Variants in TAOK3 observed in about 807,000 individuals in gnomAD.
TAOK3 encodes TAO kinase 3, also known as serine/threonine-protein kinase TAO3.
A neutral mutation model predicts 120.4 loss-of-function variants in TAOK3; 40 were observed. That is an observed-to-expected ratio of 0.33 (90% confidence interval 0.26 to 0.43). TAOK3 has a LOEUF of 0.43. Among genes scored for constraint, TAOK3 ranks in the 20% least tolerant of loss-of-function variants. The probability of loss-of-function intolerance (pLI) is 1.00; values close to 1 mark genes in which losing one functional copy is unlikely to be tolerated. For synonymous variants in TAOK3, 355 were observed against 387.5 expected (o/e 0.92, Z 0.99); for missense variants, 821 against 1,112.1 (o/e 0.74, Z 3.72).
intron 1 of TAOK3, among the ~76,000 whole-genome samples, chr12:118,350,187 T>C (rs758743996): frequency 1.3e-5 from 2 of 152,192 alleles, no homozygotes; most frequent in Admixed American, 6.5e-5. Context: ...ATGAATGACA[T>C]CTTGGGGCCA....
At chr12:118,174,953 T>G (rs1001404296) in intron 16 of TAOK3, among the ~76,000 whole-genome samples, 3 of 152,144 alleles carry the variant, frequency 2.0e-5, no homozygotes, top group African/African-American at 7.2e-5. Flanking sequence ...TGAGCCACCG[T>G]GCCCAGCCAA....
Position 118,239,255 on chromosome 12 carries a change from G to C in TAOK3, c.312C>G (p.Cys104Trp). 6.5e-7 allele frequency: 1 copy of C among 1,544,474 alleles called. No homozygotes were observed. The change falls in exon 6 of 21, where the codon TGC (cysteine) becomes TGG (tryptophan). Residue 104 changes from cysteine to tryptophan, a missense_variant. Physicochemically the swap from Cys to Trp is radical, Grantham distance 215 (BLOSUM62 -2). Around this residue, in one of 2 missense-constraint regions of TAOK3, gnomAD observed 467 missense variants for 540.0 expected, o/e 0.86. Coordinates refer to ENST00000392533, the MANE Select transcript of TAOK3 (RefSeq NM_016281.4). ...EHTAWLVMEY[C>W]LGSASDLLEV... The stretch of plus-strand genomic sequence containing the variant: ...CTAATAAATCAGAGGCTGAGCCTAA[G>C]CAATATTCCATCACCAACTATAAGA...
chr12:118,291,275 G>C (rs907214318), intron 1 of TAOK3, among the ~76,000 whole-genome samples: 1 of 151,462 alleles, frequency 6.6e-6, no homozygotes, highest in Non-Finnish European at 1.5e-5. Flanking sequence ...CCCTGCCTCA[G>C]CCTTCCGAGT....
At chr12:118,311,422 T>C (rs980637268) in intron 1 of TAOK3, among the ~76,000 whole-genome samples, 2 of 151,956 alleles carry the variant, frequency 1.3e-5, no homozygotes, top group African/African-American at 4.8e-5. Flanking sequence ...GGTTGTGCCA[T>C]TGCACTCCAG....
intron 2 of TAOK3, among the ~76,000 whole-genome samples, chr12:118,262,069 C>T (rs998452719): frequency 6.6e-6 from 1 of 152,142 alleles, no homozygotes; most frequent in African/African-American, 2.4e-5. Context: ...TCACATTGGC[C>T]AGGCTGGTCT....
chr12:118,346,534 A>G (rs2044868356), intron 1 of TAOK3, among the ~76,000 whole-genome samples: 1 of 152,200 alleles, frequency 6.6e-6, no homozygotes, highest in African/African-American at 2.4e-5. Flanking sequence ...AAAATTTCAA[A>G]CTGAAGGTTA....
At chr12:118,360,881 C>T (rs2045575613) in intron 1 of TAOK3, among the ~76,000 whole-genome samples, 1 of 152,116 alleles carries the variant, frequency 6.6e-6, no homozygotes, top group Admixed American at 6.5e-5. Context: ...AACTGTCACA[C>T]AAAAGTAGTG....
At chr12:118,179,409 T>C (rs2036551880) in intron 15 of TAOK3, among the ~76,000 whole-genome samples, 1 of 152,152 alleles carries the variant, frequency 6.6e-6, no homozygotes, top group African/African-American at 2.4e-5. Context: ...CCTGCAGACA[T>C]AAATCACCTC....
In TAOK3 at chr12:118,181,461, C is replaced by A; in HGVS notation, c.1476G>T (p.Lys492Asn). 6.2e-7 allele frequency: 1 copy of A among 1,614,204 alleles called. No individual in the cohort carries two copies. Among genetic ancestry groups the A allele is most frequent in the Non-Finnish European group, 8.5e-7 (1 of 1,180,034 alleles). The change falls in exon 15 of 21, where the codon AAG becomes AAT. Residue 492 changes from lysine (K) to asparagine (N), a missense_variant. Around this residue, in one of 2 missense-constraint regions of TAOK3, gnomAD observed 354 missense variants for 572.1 expected, o/e 0.62. Coordinates refer to ENST00000392533, the MANE Select transcript of TAOK3 (RefSeq NM_016281.4). ...LKAEMDEHRL[K>N]LQKEVETHAN... ...CATGCGTCTCCACCTCCTTCTGTAG[C>A]TTGAGGCGGTGCTCGTCCATCTCAG...
intron 1 of TAOK3, among the ~76,000 whole-genome samples, chr12:118,355,894 C>T (rs1024232342): frequency 1.3e-5 from 2 of 152,122 alleles, no homozygotes; most frequent in Non-Finnish European, 2.9e-5. Flanking sequence ...ACTGAGGTTT[C>T]GGGGAGGTTA....
intron 17 of TAOK3, among the ~76,000 whole-genome samples, chr12:118,171,299 T>A (rs2035980033): frequency 1.3e-5 from 2 of 152,226 alleles, no homozygotes; most frequent in African/African-American, 4.8e-5. Context: ...CTGACCTCAT[T>A]GCACTTTGCT....
chr12:118,348,279 T>C (rs183923703), intron 1 of TAOK3, among the ~76,000 whole-genome samples: 1 of 152,218 alleles, frequency 6.6e-6, no homozygotes, highest in South Asian at 2.1e-4. Flanking sequence ...ACATGGACCT[T>C]TCTTAATTCC....
intron 11 of TAOK3, among the ~76,000 whole-genome samples, chr12:118,202,773 C>CTTTTTTTTTT (rs58282262): frequency 2.0e-5 from 2 of 100,636 alleles, no homozygotes; most frequent in Admixed American, 1.2e-4. Flanking sequence ...ATAGTCTATT[C>CTTTTTTTTTT]TTTTTTTTTT....
intron 11 of TAOK3, among the ~76,000 whole-genome samples, chr12:118,207,083 T>C (rs907625985): frequency 2.6e-5 from 4 of 151,892 alleles, no homozygotes; most frequent in South Asian, 2.1e-4. Context: ...TCCCAGCACC[T>C]TGGGAGGCCG....
At chr12:118,202,963 A>G (rs1355663110) in intron 11 of TAOK3, among the ~76,000 whole-genome samples, 25 of 151,758 alleles carry the variant, frequency 1.6e-4, no homozygotes, top group Admixed American at 1.6e-3. Flanking sequence ...TATTTTTAGT[A>G]GAGACGAGGT....
At chr12:118,202,585 G>T (rs369678318) in intron 11 of TAOK3, among the ~76,000 whole-genome samples, 1 of 151,872 alleles carries the variant, frequency 6.6e-6, no homozygotes, top group South Asian at 2.1e-4. Context: ...ATACCTCATT[G>T]TGGTTTTCAT....
In TAOK3 at chr12:118,233,690, G is replaced by T; in HGVS notation, c.627C>A (p.Ile209=). ...DGKVDIWSLG[I]TCIELAERKP... Reference sequence around the variant, plus strand: ...TTTACTCACCCAATTCAATACAAGTGATGCCAAGTGACCAAATATCAACTT... The same window carrying T: ...TTTACTCACCCAATTCAATACAAGTTATGCCAAGTGACCAAATATCAACTT... Residue 209 remains isoleucine, a synonymous_variant, in exon 9 of 21, where the codon ATC becomes ATA. Transcript: ENST00000392533. 1 of 1,609,038 alleles carries T rather than the reference G, an allele frequency of 6.2e-7. No individual in the cohort carries two copies. Among genetic ancestry groups the T allele is most frequent in the Non-Finnish European group, 8.5e-7 (1 of 1,177,012 alleles).
intron 1 of TAOK3, among the ~76,000 whole-genome samples, chr12:118,274,889 G>A (rs1032084718): frequency 1.7e-4 from 25 of 151,202 alleles, no homozygotes; most frequent in African/African-American, 7.3e-5. Flanking sequence ...GATTACAGGC[G>A]TAAGCCACCA....
At chr12:118,207,889 C>T (rs960602914) in intron 11 of TAOK3, among the ~76,000 whole-genome samples, 1 of 151,582 alleles carries the variant, frequency 6.6e-6, no homozygotes, top group African/African-American at 2.4e-5. Context: ...CACACACACA[C>T]ATGCACAAAT....
Sources: allele counts gnomAD v4.1 joint callset (sites outside exome capture counted in the v4.1 genomes callset), GRCh38; gene constraint gnomAD v4.1.1; regional missense constraint gnomAD v4.1.1; transcripts MANE v1.5; gene names NCBI Gene and HGNC (gene_info 2026-07-23, HGNC 2026-07-21).